The following RAB3B variants were observed in gnomAD, a reference collection of about 807,000 sequenced individuals.
The protein encoded by RAB3B is RAB3B, member RAS oncogene family.
In RAB3B, 11 loss-of-function variants were observed where a neutral mutation model predicts 20.5. That is an observed-to-expected ratio of 0.54 (90% CI 0.34 to 0.89). RAB3B has a LOEUF of 0.89. Ranked by LOEUF, RAB3B falls within the 40% of genes least tolerant of loss-of-function variation. The pLI is 0.02. For synonymous variants in RAB3B, 99 were observed against 106.3 expected (o/e 0.93, Z 0.42); for missense variants, 225 against 280.9 (o/e 0.80, Z 1.42).
chr1:51,941,191 G>A (rs1684488369), intron 2 of RAB3B, among the ~76,000 whole-genome samples: 1 of 152,096 alleles, frequency 6.6e-6, no homozygotes, highest in African/African-American at 2.4e-5. Context: ...TTGGCAGAAG[G>A]GAGAGTTTTT....
At chr1:51,926,595 C>T (rs759701640) in intron 4 of RAB3B, among the ~76,000 whole-genome samples, 9 of 152,220 alleles carry the variant, frequency 5.9e-5, no homozygotes, top group East Asian at 3.9e-4. Flanking sequence ...AGAAAGAAAC[C>T]CTTATTCTCC....
intron 2 of RAB3B, among the ~76,000 whole-genome samples, chr1:51,959,039 G>A (rs1290393690): frequency 6.6e-6 from 1 of 152,240 alleles, no homozygotes; most frequent in African/African-American, 2.4e-5. Flanking sequence ...CCTGCCCTCA[G>A]GGAGCATGCA....
chr1:51,925,326 T>C (rs1684229988), intron 4 of RAB3B, among the ~76,000 whole-genome samples: 1 of 152,246 alleles, frequency 6.6e-6, no homozygotes, highest in Non-Finnish European at 1.5e-5. Flanking sequence ...GTTTTCATTC[T>C]CTGGAACTTT....
chr1:51,957,757 G>A (rs1387181606), intron 2 of RAB3B, among the ~76,000 whole-genome samples: 3 of 152,172 alleles, frequency 2.0e-5, no homozygotes, highest in African/African-American at 7.2e-5. Flanking sequence ...AGAGCTGTAG[G>A]AAAGTGAGAG....
intron 4 of RAB3B, among the ~76,000 whole-genome samples, chr1:51,925,179 C>T (rs1035531656): frequency 6.6e-6 from 1 of 152,206 alleles, no homozygotes; most frequent in South Asian, 2.1e-4. Flanking sequence ...CATGTCTCCT[C>T]CACGGTTCAG....
intron 3 of RAB3B, among the ~76,000 whole-genome samples, chr1:51,937,054 T>C (rs940287708): frequency 6.6e-6 from 1 of 152,168 alleles, no homozygotes; most frequent in African/African-American, 2.4e-5. Context: ...CCTCGGGTGA[T>C]CTGGCTGCCT....
At chr1:51,924,154 G>A (rs1043081705) in intron 4 of RAB3B, among the ~76,000 whole-genome samples, 6 of 152,138 alleles carry the variant, frequency 3.9e-5, no homozygotes, top group African/African-American at 7.2e-5. Context: ...GAGGGGATAC[G>A]GATAGTGTGG....
intron 2 of RAB3B, among the ~76,000 whole-genome samples, chr1:51,952,739 AAAG>A (rs1421346797): frequency 6.6e-6 from 1 of 152,162 alleles, no homozygotes; most frequent in Non-Finnish European, 1.5e-5. Context: ...AATGAAAATA[AAAG>A]AAGGATGGGT....
At chr1:51,964,196 C>T (rs541923315) in intron 2 of RAB3B, among the ~76,000 whole-genome samples, 34 of 152,310 alleles carry the variant, frequency 2.2e-4, no homozygotes, top group Non-Finnish European at 4.3e-4. Flanking sequence ...TATCAATGTA[C>T]TCTATGTTGC....
At chr1:51,934,775 C>CAAAAAAAAAAAAAAAAAAAAAAAAAAA (rs34750673) in intron 3 of RAB3B, among the ~76,000 whole-genome samples, 1 of 69,906 alleles carries the variant, frequency 1.4e-5, no homozygotes, top group African/African-American at 5.9e-5. Flanking sequence ...GACTCCATCT[C>CAAAAAAAAAAAAAAAAAAAAAAAAAAA]AAAAAAAAAA....
In RAB3B at chr1:51,908,085, T is replaced by C. The variant is rs949168796; in HGVS notation, c.*11842A>G. On this transcript the variant is annotated 3_prime_UTR_variant, in exon 5 of 5. Transcript: ENST00000371655. ...AGAACAAGGAAACACCATAGATATT[T>C]GTAAATGAGATCTTCTCTTTTGCTA... 18 of 152,210 alleles carry C rather than the reference T, an allele frequency of 1.2e-4. No individual in the cohort carries two copies. Among genetic ancestry groups the C allele is most frequent in the Admixed American group, 1.1e-3 (17 of 15,266 alleles). The allele number at this position is 152,210 out of a possible 1,614,324, so 9.4% of individuals were successfully genotyped here. A position where few individuals can be genotyped will look rare whatever the true frequency, so the allele number is the denominator to read the frequency against.
At chr1:51,964,650 G>A (rs1315115361) in intron 2 of RAB3B, among the ~76,000 whole-genome samples, 4 of 152,044 alleles carry the variant, frequency 2.6e-5, no homozygotes, top group Non-Finnish European at 4.4e-5. Flanking sequence ...TCAGTTAGAG[G>A]AATCTCCAAA....
intron 4 of RAB3B, among the ~76,000 whole-genome samples, chr1:51,930,845 G>A (rs529466258): frequency 6.6e-5 from 10 of 151,998 alleles, no homozygotes; most frequent in Non-Finnish European, 1.3e-4. Context: ...ATGAAACCCC[G>A]TCTCTACTGA....
rs1355918036 is a variant in RAB3B at position 51,914,525 on chromosome 1, A to G, written c.*5402T>C. 2 of 152,260 alleles carry G rather than the reference A, an allele frequency of 1.3e-5. No individual in the cohort carries two copies. The highest frequency in any genetic ancestry group is 2.9e-5 in the Non-Finnish European group (2 of 68,046). The allele number at this position is 152,260 out of a possible 1,614,324, so 9.4% of individuals were successfully genotyped here. A position where few individuals can be genotyped will look rare whatever the true frequency, so the allele number is the denominator to read the frequency against. The stretch of plus-strand genomic sequence containing the variant: ...CAAGAACTGTGTCTAATTTGCCACT[A>G]CTTGTATCCTGGCACATAATATATA... On this transcript the variant is annotated 3_prime_UTR_variant, in exon 5 of 5. Transcript: ENST00000371655.
chr1:51,944,622 G>A (rs1243951348), intron 2 of RAB3B, among the ~76,000 whole-genome samples: 5 of 152,296 alleles, frequency 3.3e-5, no homozygotes, highest in East Asian at 3.9e-4. Flanking sequence ...GGTTCAAGAC[G>A]TCAGTGGATG....
rs746883419 is a variant in RAB3B at position 51,977,010 on chromosome 1, G to A, written c.108C>T (p.Thr36=). ...LIIGNSSVGK[T]SFLFRYADDT... Reference sequence around the variant, plus strand: ...CATCAGCATAGCGGAAGAGGAAGGAGGTCTTGCCAACACTGCTGTTGCCAA... The same window carrying A: ...CATCAGCATAGCGGAAGAGGAAGGAAGTCTTGCCAACACTGCTGTTGCCAA... The change falls in exon 2 of 5, where the codon ACC becomes ACT. Residue 36 remains threonine, a synonymous_variant. Coordinates refer to ENST00000371655, the MANE Select transcript of RAB3B (RefSeq NM_002867.4). 6.2e-6 allele frequency: 10 copies of A among 1,614,204 alleles called. No individual in the cohort carries two copies. In the South Asian group the frequency reaches 1.1e-4, roughly 18 times the overall value.
In RAB3B at chr1:51,912,583, A is replaced by G. The variant is rs1454053449; in HGVS notation, c.*7344T>C. The stretch of plus-strand genomic sequence containing the variant: ...TATATATATATATATATATATATAT[A>G]TATATATATATATATATAAAAAATG... On this transcript the variant is annotated 3_prime_UTR_variant, in exon 5 of 5. Transcript: ENST00000371655. The G allele has an allele frequency of 3.3e-3, 316 of 95,362 alleles. 95 individuals carry two copies. In the South Asian group the frequency reaches 0.086, roughly 26 times the overall value. 5.9% of individuals were successfully genotyped at this position (95,362 alleles called of 1,614,324 possible).
chr1:51,958,687 C>T (rs1684744410), intron 2 of RAB3B, among the ~76,000 whole-genome samples: 1 of 150,936 alleles, frequency 6.6e-6, no homozygotes, highest in Non-Finnish European at 1.5e-5. Flanking sequence ...TGCGCCATTG[C>T]ACTCCAGCCT....
chr1:51,951,125 T>C (rs1224107347), intron 2 of RAB3B, among the ~76,000 whole-genome samples: 1 of 115,906 alleles, frequency 8.6e-6, no homozygotes, highest in Non-Finnish European at 1.8e-5. Context: ...GATTCTGTGA[T>C]GCAGACTTTT....
Sources: allele counts gnomAD v4.1 joint callset (sites outside exome capture counted in the v4.1 genomes callset), GRCh38; gene constraint gnomAD v4.1.1; transcripts MANE v1.5; gene names NCBI Gene and HGNC (gene_info 2026-07-23, HGNC 2026-07-21).